DCBLD2: variants seen among roughly 807,000 people sequenced by gnomAD.
The protein encoded by DCBLD2 is discoidin, CUB and LCCL domain containing 2.
In DCBLD2, 54 loss-of-function variants were observed where a neutral mutation model predicts 86.8. That is an observed-to-expected ratio of 0.62 (90% confidence interval 0.50 to 0.78). The LOEUF (loss-of-function observed/expected upper bound fraction) is 0.78, where lower values mean the gene tolerates loss of function less well. Among genes scored for constraint, DCBLD2 ranks in the 30% least tolerant of loss-of-function variants. DCBLD2 has a pLI of 0.00. For synonymous variants in DCBLD2, 354 were observed against 341.3 expected, an observed-to-expected ratio of 1.04 and a Z score of -0.41; for missense variants, 908 against 954.2, an observed-to-expected ratio of 0.95 and a Z score of 0.64.
At chr3:98,851,016 T>C (rs538288118) in intron 2 of DCBLD2, among the ~76,000 whole-genome samples, 66 of 152,290 alleles carry the variant, frequency 4.3e-4, no homozygotes, top group African/African-American at 1.6e-3. Flanking sequence ...ACTGGAAGCA[T>C]TCCCTTTGAA....
intron 2 of DCBLD2, among the ~76,000 whole-genome samples, chr3:98,866,298 A>G (rs13071075): frequency 0.32 from 48,050 of 152,012 alleles, 8,779 homozygotes; most frequent in East Asian, 0.68. Flanking sequence ...GTCTTCCACA[A>G]TGGTTGAACT....
chr3:98,822,831 C>T, intron 4 of DCBLD2, 90 bp from the exon 5 acceptor site: 1 of 1,134,498 alleles, frequency 8.8e-7, no homozygotes, highest in Non-Finnish European at 1.2e-6. Context: ...ACACATTTTT[C>T]AGTTCAAGGT....
chr3:98,890,704 C>A (rs1943645184), intron 1 of DCBLD2, among the ~76,000 whole-genome samples: 1 of 151,998 alleles, frequency 6.6e-6, no homozygotes, highest in African/African-American at 2.4e-5. Flanking sequence ...CTTCTTAAAT[C>A]TCTCCTCCCA....
At chr3:98,886,531 C>A (rs16840268) in intron 1 of DCBLD2, among the ~76,000 whole-genome samples, 1 of 152,064 alleles carries the variant, frequency 6.6e-6, no homozygotes, top group Non-Finnish European at 1.5e-5. Flanking sequence ...TCCATCAGCA[C>A]TATCACTGAC....
At position 98,799,746 on chromosome 3, in the gene DCBLD2, G is replaced by C; in HGVS notation, c.1954C>G (p.Leu652Val). The stretch of plus-strand genomic sequence containing the variant: ...TGCCCTGGTGAGTTGTAAGGATCTA[G>C]GTCTGCATAGCCTGCTTCTTTTCCT... ...EEGKEAGYAD[L>V]DPYNSPGQEV... Residue 652 changes from leucine (L) to valine (V), a missense_variant, in exon 16 of 16, where the codon CTA becomes GTA. By Grantham distance (32) the Leu-to-Val change is conservative (BLOSUM62 1). Around this residue, in one of 3 missense-constraint regions of DCBLD2, gnomAD observed 606 missense variants for 678.5 expected, o/e 0.89. Transcript: ENST00000326840. The C allele has an allele frequency of 2.5e-6, 4 of 1,613,964 alleles. No individual in the cohort carries two copies. Among genetic ancestry groups the C allele is most frequent in the Non-Finnish European group, 3.4e-6 (4 of 1,179,878 alleles).
At chr3:98,858,551 T>C (rs1372460735) in intron 2 of DCBLD2, among the ~76,000 whole-genome samples, 1 of 152,202 alleles carries the variant, frequency 6.6e-6, no homozygotes, top group Non-Finnish European at 1.5e-5. Context: ...AATAGGCATA[T>C]AGGATTACCT....
chr3:98,841,648 T>C (rs765504677), intron 3 of DCBLD2, among the ~76,000 whole-genome samples: 10 of 152,192 alleles, frequency 6.6e-5, no homozygotes, highest in Non-Finnish European at 1.2e-4. Flanking sequence ...CTTGAATGAA[T>C]TGAAAAAGAC....
chr3:98,804,920 A>G (rs917326917), intron 13 of DCBLD2: 2 of 152,226 alleles, frequency 1.3e-5, no homozygotes, highest in Non-Finnish European at 2.9e-5. Flanking sequence ...AGTTTGTTAT[A>G]ATTTCTTTTC....
intron 2 of DCBLD2, among the ~76,000 whole-genome samples, chr3:98,872,753 T>G (rs1211481689): frequency 6.6e-6 from 1 of 151,542 alleles, no homozygotes; most frequent in African/African-American, 2.4e-5. Flanking sequence ...ACTATAAACC[T>G]TACCAAACAC....
intron 9 of DCBLD2, chr3:98,814,220 T>G (rs1407741961): frequency 6.6e-6 from 1 of 152,206 alleles, no homozygotes; most frequent in Non-Finnish European, 1.5e-5. Context: ...TGTTTTGCAG[T>G]TACAATAACT....
chr3:98,835,938 C>CTTTCTTTCT (rs56279917), intron 3 of DCBLD2, among the ~76,000 whole-genome samples: 17,153 of 114,954 alleles, frequency 0.15, 1,711 homozygotes, highest in African/African-American at 0.22. Context: ...TCCTTTCTTT[C>CTTTCTTTCT]TTTTTTTTTT....
chr3:98,870,845 ACT>A (rs1275612710), intron 2 of DCBLD2, among the ~76,000 whole-genome samples: 1 of 143,724 alleles, frequency 7.0e-6, no homozygotes, highest in African/African-American at 2.6e-5. Context: ...TTTGATAGGA[ACT>A]CTACTGAATC....
intron 2 of DCBLD2, among the ~76,000 whole-genome samples, chr3:98,851,381 C>T (rs1277925338): frequency 2.0e-5 from 3 of 152,104 alleles, no homozygotes; most frequent in African/African-American, 7.2e-5. Context: ...ATACAACTTA[C>T]AAGGGATGTG....
chr3:98,828,553 A>G (rs1233700630), intron 3 of DCBLD2, among the ~76,000 whole-genome samples: 3 of 152,224 alleles, frequency 2.0e-5, no homozygotes, highest in Non-Finnish European at 4.4e-5. Context: ...AAAAGACATA[A>G]CAAGCACTGG....
intron 2 of DCBLD2, among the ~76,000 whole-genome samples, chr3:98,877,001 T>C (rs1267297397): frequency 6.6e-6 from 1 of 152,102 alleles, no homozygotes; most frequent in Non-Finnish European, 1.5e-5. Context: ...ACGGAAAAGA[T>C]AAAACAAACA....
At chr3:98,892,049 T>A (rs1943671162) in intron 1 of DCBLD2, among the ~76,000 whole-genome samples, 1 of 152,122 alleles carries the variant, frequency 6.6e-6, no homozygotes. Flanking sequence ...TGCTGTTGAA[T>A]GAGAAATAAG....
At chr3:98,892,303 G>GGA (rs1943675703) in intron 1 of DCBLD2, among the ~76,000 whole-genome samples, 3 of 151,810 alleles carry the variant, frequency 2.0e-5, no homozygotes, top group Non-Finnish European at 4.4e-5. Context: ...AAAATACAGT[G>GGA]GTCTCTTTAT....
At chr3:98,804,303 A>T (rs1941788960) in intron 13 of DCBLD2, among the ~76,000 whole-genome samples, 1 of 151,998 alleles carries the variant, frequency 6.6e-6, no homozygotes, top group African/African-American at 2.4e-5. Context: ...GAATTTATCC[A>T]TTTCTTCTAG....
At chr3:98,835,571 CAG>C (rs1215174925) in intron 3 of DCBLD2, among the ~76,000 whole-genome samples, 94 of 146,688 alleles carry the variant, frequency 6.4e-4, no homozygotes, top group African/African-American at 1.5e-3. Context: ...TTTTTTGAGA[CAG>C]AGTTTCTTTT....
Sources: gnomAD v4.1 joint callset for allele counts (sites outside exome capture counted in the v4.1 genomes callset) on GRCh38, gnomAD v4.1.1 for gene constraint, gnomAD v4.1.1 regional missense constraint, MANE v1.5 for transcripts, NCBI Gene and HGNC (gene_info 2026-07-23, HGNC 2026-07-21) for gene names.